Variants in PALLD observed in about 807,000 individuals in gnomAD.
The protein encoded by PALLD is palladin.
A neutral mutation model predicts 123.5 loss-of-function variants in PALLD; 61 were observed. The ratio of observed to expected loss-of-function variants is 0.49; its 90% CI spans 0.40 to 0.61. The LOEUF (loss-of-function observed/expected upper bound fraction) is 0.61, where lower values mean the gene tolerates loss of function less well. Among genes scored for constraint, PALLD ranks in the 20% least tolerant of loss-of-function variants. The pLI is 0.00. For missense variants in PALLD, 1,273 were observed against 1,377.0 expected, an observed-to-expected ratio of 0.92 and a Z score of 1.20; for synonymous variants, 465 against 496.4, an observed-to-expected ratio of 0.94 and a Z score of 0.84.
intron 1 of PALLD, among the ~76,000 whole-genome samples, chr4:168,504,615 G>A (rs893811091): frequency 1.3e-5 from 2 of 151,056 alleles, no homozygotes; most frequent in African/African-American, 4.9e-5. Context: ...AAAAATGGCT[G>A]TGGCTAATGA....
chr4:168,679,886 G>C (rs1212543872), intron 3 of PALLD, among the ~76,000 whole-genome samples: 1 of 152,046 alleles, frequency 6.6e-6, no homozygotes, highest in African/African-American at 2.4e-5. Flanking sequence ...TGGTAGTCCA[G>C]GCCCCAGGCA....
intron 14 of PALLD, among the ~76,000 whole-genome samples, chr4:168,899,391 A>G (rs971806893): frequency 3.3e-5 from 5 of 152,304 alleles, no homozygotes; most frequent in South Asian, 4.1e-4. Flanking sequence ...GCTTGAGTGA[A>G]AAGAATAAAA....
At chr4:168,804,507 T>G (rs1476565088) in intron 10 of PALLD, among the ~76,000 whole-genome samples, 2 of 152,204 alleles carry the variant, frequency 1.3e-5, no homozygotes, top group African/African-American at 4.8e-5. Flanking sequence ...CCTCTGCCAG[T>G]ATGTGATGTT....
rs989052925 is a variant in PALLD, at chr4:168,809,169, G to A, written c.1965-81753G>A. Among the ~76,000 whole-genome samples the A allele has an allele frequency of 2.6e-5, 4 of 152,102 alleles. No individual in the cohort carries two copies. In the East Asian group the frequency reaches 5.8e-4, roughly 22 times the overall value. ...CCTCTTCACCTCAGGCCAGCCTTGG[G>A]TTTTGTCTTCTGTCTCTTGTTTTCA... On this transcript the variant is annotated intron_variant, in intron 10 of 21. Coordinates refer to ENST00000505667, the MANE Select transcript of PALLD (RefSeq NM_001166108.2).
chr4:168,858,353 A>G (rs1748919348), intron 10 of PALLD, among the ~76,000 whole-genome samples: 1 of 152,230 alleles, frequency 6.6e-6, no homozygotes, highest in Admixed American at 6.5e-5. Context: ...TCAAGCATAA[A>G]TACTTTTATT....
chr4:168,772,291 A>G lies in PALLD; in HGVS notation c.1964+60368A>G, dbSNP rs79203861. ...AATGCACCAAAGCCAAGTCAGTGCC[A>G]AAGTTATTCCATACAAACGGCACTT... On this transcript the variant is annotated intron_variant, in intron 10 of 21. Coordinates refer to ENST00000505667, the MANE Select transcript of PALLD (RefSeq NM_001166108.2). 5.4e-3 allele frequency among the ~76,000 whole-genome samples: 820 copies of G among 152,316 alleles called. 11 individuals are homozygous for G. The highest frequency in any genetic ancestry group is 0.018 in the African/African-American group (765 of 41,568).
At chr4:168,905,531 A>AT (rs1422563398) in intron 15 of PALLD, among the ~76,000 whole-genome samples, 2 of 151,868 alleles carry the variant, frequency 1.3e-5, no homozygotes, top group Non-Finnish European at 2.9e-5. Flanking sequence ...ATATAAATAT[A>AT]TTTTTCTGCA....
In PALLD at chr4:168,898,700, A is replaced by G; in HGVS notation, c.2458A>G (p.Asn820Asp). Residue 820 changes from asparagine (N) to aspartate (D), a missense_variant, in exon 14 of 22, where the codon AAT becomes GAT. By Grantham distance (23) the Asn-to-Asp change is conservative (BLOSUM62 1). Coordinates refer to ENST00000505667, the MANE Select transcript of PALLD (RefSeq NM_001166108.2). Reference sequence around the variant, plus strand: ...AACTTTCACATGTAGAGTGGCTGGAAATCCAAAGCCAAAGGTGAGCTGGGA... The same window carrying G: ...AACTTTCACATGTAGAGTGGCTGGAGATCCAAAGCCAAAGGTGAGCTGGGA... Reference protein sequence around the residue: ...PVTFTCRVAGNPKPKIYWFKD... With the variant: ...PVTFTCRVAGDPKPKIYWFKD... 2 of 1,612,576 alleles carry G rather than the reference A, an allele frequency of 1.2e-6. No homozygotes were observed. The highest frequency in any genetic ancestry group is 1.7e-6 in the Non-Finnish European group (2 of 1,178,556).
In PALLD at chr4:168,544,540, A is replaced by T. The variant is rs1765957477; in HGVS notation, c.908+32128A>T. On this transcript the variant is annotated intron_variant, in intron 2 of 21. Coordinates refer to ENST00000505667, the MANE Select transcript of PALLD (RefSeq NM_001166108.2). ...TATAAATAAATTAAGCCAACCATTT[A>T]CTTAGAATTTTTTATCCTAATTTAA... Among the ~76,000 whole-genome samples, 5 of 152,370 alleles carry T rather than the reference A, an allele frequency of 3.3e-5. 1 individual carries two copies. In the South Asian group the frequency reaches 1.0e-3, roughly 32 times the overall value.
intron 2 of PALLD, among the ~76,000 whole-genome samples, chr4:168,622,536 C>T (rs945554442): frequency 6.6e-6 from 1 of 152,056 alleles, no homozygotes; most frequent in African/African-American, 2.4e-5. Flanking sequence ...TCTTTCAGCC[C>T]AGAAGAAAAG....
intron 2 of PALLD, among the ~76,000 whole-genome samples, chr4:168,541,361 C>G (rs1765590807): frequency 6.6e-6 from 1 of 152,202 alleles, no homozygotes; most frequent in Admixed American, 6.5e-5. Flanking sequence ...CTCTCTTAGA[C>G]TGTCTTGTTA....
Position 168,896,589 on chromosome 4 carries a change from A to AC in PALLD, c.2240_2241insC (p.Gly748TrpfsTer11). 6.6e-7 allele frequency: 1 copy of AC among 1,513,970 alleles called. No individual in the cohort carries two copies. Among genetic ancestry groups the AC allele is most frequent in the Non-Finnish European group, 8.9e-7 (1 of 1,126,122 alleles). 93.8% of individuals were successfully genotyped at this position (1,513,970 alleles called of 1,614,324 possible). On this transcript the variant is annotated frameshift_variant, in exon 13 of 22. Coordinates refer to ENST00000505667, the MANE Select transcript of PALLD (RefSeq NM_001166108.2). LOFTEE classifies it high-confidence loss of function. The stretch of plus-strand genomic sequence containing the variant: ...CATGCTTCTGTAGGGAGTCCTCTGG[A>AC]TGGTCAAAAGGTTAAGCTTTTCACC...
At chr4:168,898,231 C>A (rs1040102146) in intron 13 of PALLD, 7 of 502,224 alleles carry the variant, frequency 1.4e-5, no homozygotes, top group Admixed American at 3.2e-5. Context: ...CCCCTCGCCT[C>A]AGAGAAAAGA....
intron 10 of PALLD, among the ~76,000 whole-genome samples, chr4:168,841,051 A>G (rs1462722236): frequency 6.6e-6 from 1 of 152,018 alleles, no homozygotes; most frequent in Non-Finnish European, 1.5e-5. Context: ...GAGTTTTACC[A>G]TGTTGGTCAG....
chr4:168,814,303 A>C (rs777783522), intron 10 of PALLD, among the ~76,000 whole-genome samples: 5 of 152,202 alleles, frequency 3.3e-5, no homozygotes, highest in African/African-American at 1.2e-4. Context: ...AATCATTTCA[A>C]TCTACCAATT....
intron 10 of PALLD, among the ~76,000 whole-genome samples, chr4:168,777,765 C>T (rs554829671): frequency 6.6e-6 from 1 of 152,198 alleles, no homozygotes; most frequent in Admixed American, 6.5e-5. Flanking sequence ...TGCCTCAACC[C>T]ATATTCAGGC....
intron 8 of PALLD, among the ~76,000 whole-genome samples, chr4:168,708,295 TCA>T (rs1784408205): frequency 6.6e-6 from 1 of 152,186 alleles, no homozygotes; most frequent in African/African-American, 2.4e-5. Flanking sequence ...ATCATCCCCC[TCA>T]CAATAACCGT....
intron 10 of PALLD, among the ~76,000 whole-genome samples, chr4:168,750,689 T>A (rs1730940898): frequency 6.6e-6 from 1 of 152,182 alleles, no homozygotes; most frequent in African/African-American, 2.4e-5. Context: ...TCAGTGAGTT[T>A]AGAAGAAAAA....
chr4:168,849,947 A>G (rs374499338), intron 10 of PALLD, among the ~76,000 whole-genome samples: 26 of 152,284 alleles, frequency 1.7e-4, no homozygotes, highest in African/African-American at 5.8e-4. Context: ...TTTATTATGT[A>G]TACTTACGAA....
Sources: allele counts gnomAD v4.1 joint callset (sites outside exome capture counted in the v4.1 genomes callset), GRCh38; gene constraint gnomAD v4.1.1; transcripts MANE v1.5; gene names NCBI Gene and HGNC (gene_info 2026-07-23, HGNC 2026-07-21).